Variants in PDE4B observed in about 807,000 individuals in gnomAD.
The protein encoded by PDE4B is 3',5'-cyclic-AMP phosphodiesterase 4B.
In PDE4B, 20 loss-of-function variants were observed where a neutral mutation model predicts 82.2. The observed-to-expected ratio is 0.24, with a 90% confidence interval of 0.17 to 0.35. The LOEUF is 0.35. PDE4B is among the 10% of genes least tolerant of loss of function. The pLI is 1.00. For synonymous variants in PDE4B, 320 were observed against 318.9 expected, an observed-to-expected ratio of 1.00 and a Z score of -0.04; for missense variants, 655 against 907.2, an observed-to-expected ratio of 0.72 and a Z score of 3.57.
intron 1 of PDE4B, among the ~76,000 whole-genome samples, chr1:65,820,375 G>A (rs1645939170): frequency 6.6e-6 from 1 of 152,146 alleles, no homozygotes; most frequent in African/African-American, 2.4e-5. Flanking sequence ...GGTTAGATAG[G>A]CACTTTTTGC....
Position 66,041,829 on chromosome 1 carries a change from T to TAC in PDE4B, c.281+123012_281+123013dup, listed in dbSNP as rs58537930. ...ACACACACACACACACACACACACA[T>TAC]ACACACACACACACACACAGAATAC... is the stretch of plus-strand genomic sequence containing the variant. On this transcript the variant is annotated intron_variant, in intron 3 of 16. Transcript: ENST00000341517. 3.8e-3 allele frequency among the ~76,000 whole-genome samples: 549 copies of TAC among 145,244 alleles called. 3 individuals are homozygous for TAC. Among genetic ancestry groups the TAC allele is most frequent in the Middle Eastern group, 0.021 (6 of 280 alleles).
At chr1:66,063,134 G>T (rs1353370915) in intron 3 of PDE4B, among the ~76,000 whole-genome samples, 1 of 151,940 alleles carries the variant, frequency 6.6e-6, no homozygotes, top group Non-Finnish European at 1.5e-5. Context: ...TTTGTTTCAT[G>T]CCCTAGTAGT....
chr1:65,885,805 A>G (rs541490564), intron 1 of PDE4B, among the ~76,000 whole-genome samples: 142 of 151,576 alleles, frequency 9.4e-4, no homozygotes, highest in African/African-American at 2.7e-3. Context: ...GCACATGTAT[A>G]CATATGTAAC....
At chr1:65,812,879 T>C (rs1468741444) in intron 1 of PDE4B, among the ~76,000 whole-genome samples, 1 of 152,174 alleles carries the variant, frequency 6.6e-6, no homozygotes, top group Non-Finnish European at 1.5e-5. Context: ...TCTTTATTTC[T>C]ATTTGCCTGT....
intron 3 of PDE4B, among the ~76,000 whole-genome samples, chr1:65,931,661 G>A (rs72685056): frequency 0.091 from 13,872 of 152,208 alleles, 1,030 homozygotes; most frequent in Non-Finnish European, 0.14. Context: ...TTCTCTTACT[G>A]AGAAATCCAA....
intron 1 of PDE4B, among the ~76,000 whole-genome samples, chr1:65,902,285 A>G (rs1346185396): frequency 6.6e-6 from 1 of 152,148 alleles, no homozygotes; most frequent in Non-Finnish European, 1.5e-5. Flanking sequence ...CATATCAGAA[A>G]TGTATGCAAC....
At chr1:65,913,692 A>G (rs1470522834) in intron 2 of PDE4B, among the ~76,000 whole-genome samples, 1 of 152,028 alleles carries the variant, frequency 6.6e-6, no homozygotes, top group East Asian at 1.9e-4. Flanking sequence ...TTTCTTCCAC[A>G]CTTTTACCCA....
At chr1:66,315,426 A>C (rs756744720) in intron 7 of PDE4B, among the ~76,000 whole-genome samples, 1 of 152,058 alleles carries the variant, frequency 6.6e-6, no homozygotes, top group Non-Finnish European at 1.5e-5. Context: ...GCAAATGTTT[A>C]TTTATTTTAT....
intron 7 of PDE4B, among the ~76,000 whole-genome samples, chr1:66,272,779 C>A (rs201324452): frequency 1.6e-5 from 1 of 61,668 alleles, no homozygotes; most frequent in Admixed American, 2.5e-4. Context: ...TACTAGAATT[C>A]TTTTTTTTTT....
intron 3 of PDE4B, among the ~76,000 whole-genome samples, chr1:65,929,352 G>A (rs1278986573): frequency 2.0e-5 from 3 of 152,188 alleles, no homozygotes; most frequent in African/African-American, 4.8e-5. Flanking sequence ...ATTCATCAGA[G>A]TTTACAAATT....
chr1:65,972,151 T>G (rs1472839211), intron 3 of PDE4B, among the ~76,000 whole-genome samples: 1 of 152,190 alleles, frequency 6.6e-6, no homozygotes, highest in Admixed American at 6.6e-5. Context: ...GATTTTTAAG[T>G]TTCTAAACAT....
chr1:66,208,704 A>G (rs1429018506), intron 3 of PDE4B, among the ~76,000 whole-genome samples: 1 of 152,206 alleles, frequency 6.6e-6, no homozygotes, highest in African/African-American at 2.4e-5. Context: ...GACTTATTCT[A>G]TATGTTGCTT....
At chr1:66,281,476 C>G (rs1358608874) in intron 7 of PDE4B, among the ~76,000 whole-genome samples, 1 of 152,168 alleles carries the variant, frequency 6.6e-6, no homozygotes, top group Non-Finnish European at 1.5e-5. Flanking sequence ...GTTCTGCATT[C>G]CCTTGCTAGA....
chr1:65,979,501 G>T (rs1454151456), intron 3 of PDE4B, among the ~76,000 whole-genome samples: 2 of 152,216 alleles, frequency 1.3e-5, no homozygotes, highest in Non-Finnish European at 2.9e-5. Context: ...CTTATGGAAG[G>T]TCAGGCGTTC....
At chr1:66,330,671 A>C in intron 7 of PDE4B, 5 of 542,128 alleles carry the variant, frequency 9.2e-6, no homozygotes, top group Non-Finnish European at 9.4e-6. Flanking sequence ...GAGGCAGGGA[A>C]TGAGAATGGG....
chr1:65,954,223 CTTAT>C (rs1486825453), intron 3 of PDE4B, among the ~76,000 whole-genome samples: 1 of 151,964 alleles, frequency 6.6e-6, no homozygotes, highest in African/African-American at 2.4e-5. Flanking sequence ...TCTCATAACA[CTTAT>C]TTTTCTTTCC....
intron 3 of PDE4B, among the ~76,000 whole-genome samples, chr1:66,054,909 A>G (rs1655220060): frequency 6.6e-6 from 1 of 152,120 alleles, no homozygotes; most frequent in Admixed American, 6.5e-5. Context: ...ATCTTCCTAT[A>G]ATATTGTGCC....
chr1:65,893,624 T>G (rs995255282), intron 1 of PDE4B, among the ~76,000 whole-genome samples: 15 of 152,028 alleles, frequency 9.9e-5, no homozygotes, highest in Non-Finnish European at 2.9e-5. Flanking sequence ...TACCATTCAA[T>G]CCAGCAGTCC....
chr1:66,197,815 A>G (rs1648462116), intron 3 of PDE4B, among the ~76,000 whole-genome samples: 1 of 152,218 alleles, frequency 6.6e-6, no homozygotes, highest in Non-Finnish European at 1.5e-5. Context: ...AGTCTTTAAA[A>G]TGCACTAGCA....
Sources: gnomAD v4.1 joint callset for allele counts (sites outside exome capture counted in the v4.1 genomes callset) on GRCh38, gnomAD v4.1.1 for gene constraint, MANE v1.5 for transcripts, NCBI Gene and HGNC (gene_info 2026-07-23, HGNC 2026-07-21) for gene names.